TEX29: variants seen among roughly 807,000 people sequenced by gnomAD.
TEX29 encodes testis-expressed protein 29.
TEX29 carries 26 observed loss-of-function variants against 18.2 expected under a neutral mutation model. The ratio of observed to expected loss-of-function variants is 1.43; its 90% CI spans 1.04 to 1.98. The LOEUF is 1.98. Among genes scored for constraint, TEX29 ranks in the 30% most tolerant of loss-of-function variants. The pLI is 0.00. For missense variants in TEX29, 177 were observed against 194.2 expected, an observed-to-expected ratio of 0.91 and a Z score of 0.53; for synonymous variants, 83 against 78.5, an observed-to-expected ratio of 1.06 and a Z score of -0.31.
At chr13:111,324,956 G>A (rs2153641330) in intron 2 of TEX29, among the ~76,000 whole-genome samples, 1 of 152,316 alleles carries the variant, frequency 6.6e-6, no homozygotes, top group African/African-American at 2.4e-5. Context: ...ATGAGCGAGG[G>A]AATGAATGGC....
chr13:111,335,931 T>C (rs2093689066), intron 3 of TEX29, among the ~76,000 whole-genome samples: 1 of 152,198 alleles, frequency 6.6e-6, no homozygotes, highest in South Asian at 2.1e-4. Flanking sequence ...ACCGTGCAGG[T>C]GCTGGCCTGT....
At chr13:111,339,352 A>G in intron 3 of TEX29, 1 of 455,024 alleles carries the variant, frequency 2.2e-6, no homozygotes, top group Non-Finnish European at 4.4e-6. Context: ...TGGGGAGCAC[A>G]GCAGGAACAG....
upstream of TEX29, among the ~76,000 whole-genome samples, chr13:111,319,833 C>T (rs563652732): frequency 3.5e-4 from 54 of 152,356 alleles, no homozygotes; most frequent in South Asian, 3.1e-3. Flanking sequence ...CAGCCCCCTC[C>T]GGCAGTTGCC....
At chr13:111,323,055 G>C (rs1482194502) in intron 2 of TEX29, among the ~76,000 whole-genome samples, 1 of 152,238 alleles carries the variant, frequency 6.6e-6, no homozygotes, top group Non-Finnish European at 1.5e-5. Context: ...AAGAGACTCT[G>C]TGGCCGGGTG....
At chr13:111,339,387 C>T (rs985216865) in intron 3 of TEX29, 1 of 455,432 alleles carries the variant, frequency 2.2e-6, no homozygotes, top group Non-Finnish European at 4.4e-6. Flanking sequence ...TCTCTCCACG[C>T]ACCCCCAGGG....
chr13:111,343,169 C>G (rs1288558044), intron 5 of TEX29, among the ~76,000 whole-genome samples: 2 of 152,228 alleles, frequency 1.3e-5, no homozygotes, highest in African/African-American at 2.4e-5. Flanking sequence ...TTCCCATCCC[C>G]TTTTGCCTCC....
At chr13:111,326,380 C>A (rs867735832) in intron 2 of TEX29, among the ~76,000 whole-genome samples, 2 of 117,332 alleles carry the variant, frequency 1.7e-5, no homozygotes, top group Non-Finnish European at 3.4e-5. Flanking sequence ...TGGAGGAGAC[C>A]GCGGGCAGCG....
chr13:111,321,784 G>A (rs1267841359), intron 2 of TEX29, among the ~76,000 whole-genome samples: 2 of 152,080 alleles, frequency 1.3e-5, no homozygotes, highest in African/African-American at 2.4e-5. Context: ...TTAGCCGAGC[G>A]TGGTGGCGGG....
At chr13:111,320,994 T>C in intron 2 of TEX29, 46 bp downstream of exon 2, 4 of 310,218 alleles carry the variant, frequency 1.3e-5, no homozygotes, top group Non-Finnish European at 1.6e-5. Flanking sequence ...GGGGGAGCAG[T>C]TGGGGGGGGG....
intron 3 of TEX29, among the ~76,000 whole-genome samples, chr13:111,330,441 G>T (rs138504979): frequency 6.6e-6 from 1 of 152,342 alleles, no homozygotes; most frequent in Admixed American, 6.5e-5. Context: ...GGCTCCTGCA[G>T]ATCCTGGCTT....
intron 3 of TEX29, among the ~76,000 whole-genome samples, chr13:111,333,093 C>T (rs1291197866): frequency 6.6e-6 from 1 of 152,154 alleles, no homozygotes; most frequent in African/African-American, 2.4e-5. Context: ...TGATGAGAAA[C>T]TGCTGTAAAT....
At chr13:111,322,293 C>T (rs2093666041) in intron 2 of TEX29, among the ~76,000 whole-genome samples, 1 of 152,232 alleles carries the variant, frequency 6.6e-6, no homozygotes, top group East Asian at 1.9e-4. Flanking sequence ...CGCCTGGGGC[C>T]CCGAGGGAAC....
intron 3 of TEX29, 41 bp from the exon 4 acceptor site, chr13:111,339,820 ATT>A (rs1567164751): frequency 1.2e-6 from 2 of 1,600,368 alleles, no homozygotes; most frequent in Non-Finnish European, 1.7e-6. Context: ...TTCCTTTTCT[ATT>A]TACCTGGATC....
chr13:111,326,210 C>A lies in TEX29; in HGVS notation c.59-1973C>A, dbSNP rs552590241. 6.5e-4 allele frequency among the ~76,000 whole-genome samples: 99 copies of A among 151,816 alleles called. 2 individuals are homozygous for A. The highest frequency in any genetic ancestry group is 1.1e-3 in the Non-Finnish European group (75 of 67,878). On this transcript the variant is annotated intron_variant, in intron 2 of 5. Coordinates refer to ENST00000283547, the MANE Select transcript of TEX29 (RefSeq NM_152324.3). ...CTGCTGGGGTGGAGGAGACTGCGGG[C>A]AGTGTGAGCCTGTCTGGTGGGGTGG...
intron 2 of TEX29, among the ~76,000 whole-genome samples, chr13:111,325,001 G>T (rs561236027): frequency 6.6e-6 from 1 of 152,296 alleles, no homozygotes; most frequent in East Asian, 1.9e-4. Flanking sequence ...TGGCTTCCCT[G>T]GGCTTGCTAT....
intron 3 of TEX29, among the ~76,000 whole-genome samples, 154 bp downstream of exon 3, chr13:111,328,447 G>A (rs2093677697): frequency 6.6e-6 from 1 of 152,164 alleles, no homozygotes; most frequent in South Asian, 2.1e-4. Flanking sequence ...CGTCTTAGTG[G>A]GGACAGTAGA....
chr13:111,324,875 TA>T (rs2093670251), intron 2 of TEX29, among the ~76,000 whole-genome samples: 1 of 152,014 alleles, frequency 6.6e-6, no homozygotes, highest in Non-Finnish European at 1.5e-5. Flanking sequence ...TGGAGAAAAA[TA>T]ACGGAACGTT....
At chr13:111,334,741 A>G (rs1393580322) in intron 3 of TEX29, among the ~76,000 whole-genome samples, 1 of 152,248 alleles carries the variant, frequency 6.6e-6, no homozygotes, top group Non-Finnish European at 1.5e-5. Flanking sequence ...TTTATAACAA[A>G]TGCCTGGGGA....
At chr13:111,342,655 A>G (rs2093698414) in intron 4 of TEX29, 101 bp from the exon 5 acceptor site, 14 of 1,134,640 alleles carry the variant, frequency 1.2e-5, no homozygotes, top group Non-Finnish European at 1.7e-5. Context: ...ATGATCAGGA[A>G]CCTGTGTTTT....
Sources: allele counts gnomAD v4.1 joint callset (sites outside exome capture counted in the v4.1 genomes callset), GRCh38; gene constraint gnomAD v4.1.1; transcripts MANE v1.5; gene names NCBI Gene and HGNC (gene_info 2026-07-23, HGNC 2026-07-21).